KLF3: variants seen among roughly 807,000 people sequenced by gnomAD.
The protein encoded by KLF3 is KLF transcription factor 3, also known as Krueppel-like factor 3.
Under a neutral mutation model 32.7 loss-of-function variants are expected in KLF3, and 6 were observed. The observed-to-expected ratio is 0.18, with a 90% confidence interval of 0.10 to 0.36. The LOEUF is 0.36. KLF3 is among the 10% of genes least tolerant of loss of function. The probability of loss-of-function intolerance (pLI) is 1.00; values close to 1 mark genes in which losing one functional copy is unlikely to be tolerated. For synonymous variants in KLF3, 145 were observed against 172.8 expected, an observed-to-expected ratio of 0.84 and a Z score of 1.26; for missense variants, 338 against 449.7, an observed-to-expected ratio of 0.75 and a Z score of 2.25.
chr4:38,667,729 A>G (rs891320457), intron 1 of KLF3, among the ~76,000 whole-genome samples: 4 of 152,242 alleles, frequency 2.6e-5, no homozygotes, highest in Non-Finnish European at 5.9e-5. Flanking sequence ...CTTACAGTTT[A>G]GAAGACCTAG....
At chr4:38,687,296 A>G (rs1389506953) in intron 2 of KLF3, among the ~76,000 whole-genome samples, 1 of 152,210 alleles carries the variant, frequency 6.6e-6, no homozygotes, top group Non-Finnish European at 1.5e-5. Flanking sequence ...CCTAGTAAAG[A>G]TGATGGTTTA....
In KLF3 at chr4:38,694,747, A is replaced by C; in HGVS notation, c.697A>C (p.Asn233His). The C allele has an allele frequency of 6.5e-7, 1 of 1,550,284 alleles. No individual in the cohort carries two copies. The highest frequency in any genetic ancestry group is 8.6e-7 in the Non-Finnish European group (1 of 1,157,798). The change falls in exon 5 of 6, where the codon AAT becomes CAT. Residue 233 changes from asparagine to histidine, a missense_variant and splice_region_variant. Physicochemically the swap from Asn to His is moderately conservative, Grantham distance 68 (BLOSUM62 1). Transcript: ENST00000261438. ...VSPPQALLQE[N>H]HPSVIVQPGK... ...GGCCTGTAACCTTGGCTTTCACAGG[A>C]ATCACCCTTCGGTCATCGTGCAGCC... is the stretch of plus-strand genomic sequence containing the variant.
intron 1 of KLF3, among the ~76,000 whole-genome samples, chr4:38,665,250 T>TCAA: frequency 6.6e-6 from 1 of 152,160 alleles, no homozygotes; most frequent in East Asian, 1.9e-4. Flanking sequence ...GAGCAAGGAT[T>TCAA]GCAGCGTGGC....
chr4:38,678,086 G>C (rs892161832), intron 1 of KLF3, among the ~76,000 whole-genome samples: 9 of 151,302 alleles, frequency 5.9e-5, no homozygotes, highest in Non-Finnish European at 1.0e-4. Flanking sequence ...CTTTAATTTA[G>C]AAGCATTTGC....
chr4:38,676,621 A>G (rs1465861280), intron 1 of KLF3, among the ~76,000 whole-genome samples: 7 of 152,176 alleles, frequency 4.6e-5, no homozygotes, highest in Non-Finnish European at 8.8e-5. Flanking sequence ...CACTAAAAGC[A>G]TCATCATTTA....
chr4:38,686,243 G>A (rs1318230143), intron 2 of KLF3, among the ~76,000 whole-genome samples: 4 of 151,748 alleles, frequency 2.6e-5, no homozygotes, highest in Admixed American at 2.6e-4. Context: ...CCAAGAGTAC[G>A]AGACCAGCCT....
rs145278110 is a variant in KLF3, at chr4:38,688,827, C to T, written c.300C>T (p.Ser100=). The T allele has an allele frequency of 2.5e-6, 4 of 1,614,092 alleles. No individual in the cohort carries two copies. In the African/African-American group the frequency reaches 4.0e-5, roughly 16 times the overall value. Residue 100 remains serine (S), a synonymous_variant, in exon 3 of 6, where the codon TCC becomes TCT. Transcript: ENST00000261438. This position sits in a 1 kb window ranked among gnomAD's most constrained non-coding sequence, Gnocchi z 4.9. ...CGCCTGGGTTGAGCATGCCTTCTTC[C>T]AGCCCACCGATAAAAAAATACTCAC... is the stretch of plus-strand genomic sequence containing the variant. ...RASPGLSMPS[S]SPPIKKYSPP... is the part of the protein sequence containing the mutation.
chr4:38,699,924 A>G lies in KLF3; in HGVS notation c.*2661A>G, dbSNP rs999403964. On this transcript the variant is annotated 3_prime_UTR_variant, in exon 6 of 6. Transcript: ENST00000261438. ...AATACAAGATTAGATGCCCTTGAAC[A>G]TGTTTTAATGATGTGTGTCATGTTA... 5.3e-5 allele frequency: 8 copies of G among 152,232 alleles called. No individual in the cohort carries two copies. Among genetic ancestry groups the G allele is most frequent in the Non-Finnish European group, 8.8e-5 (6 of 68,040 alleles). 9.4% of individuals were successfully genotyped at this position (152,232 alleles called of 1,614,324 possible).
rs1722185465 is a variant in KLF3 at position 38,671,131 on chromosome 4, CAG to C, written c.-40+6672_-40+6673del. Among the ~76,000 whole-genome samples, 2 of 152,226 alleles carry C rather than the reference CAG, an allele frequency of 1.3e-5. No homozygotes were observed. Among genetic ancestry groups the C allele is most frequent in the South Asian group, 4.1e-4 (2 of 4,834 alleles). ...CCACAGCACAGGCTCTGAAGCAGAA[CAG>C]AAAGTGCCCGGGTCTGCAGGCAGAC... On this transcript the variant is annotated intron_variant, in intron 1 of 5. Transcript: ENST00000261438. This position sits in a 1 kb window ranked among gnomAD's most constrained non-coding sequence, Gnocchi z 4.4.
chr4:38,693,866 T>A (rs1333355241), intron 4 of KLF3, among the ~76,000 whole-genome samples: 1 of 152,202 alleles, frequency 6.6e-6, no homozygotes, highest in Non-Finnish European at 1.5e-5. Flanking sequence ...CTCCACCACC[T>A]TCTTGCTGAA....
rs1723179927 is a variant in KLF3 at position 38,701,045 on chromosome 4, T to C, written c.*3782T>C. ...AATAAAACCATCAGAATATTAAATG[T>C]GATCATGTGATTACTTCATATGCAG... On this transcript the variant is annotated 3_prime_UTR_variant, in exon 6 of 6. Coordinates refer to ENST00000261438, the MANE Select transcript of KLF3 (RefSeq NM_016531.6). 6.6e-6 allele frequency: 1 copy of C among 152,228 alleles called. No homozygotes were observed. The highest frequency in any genetic ancestry group is 6.5e-5 in the Admixed American group (1 of 15,284). The allele number at this position is 152,228 out of a possible 1,614,324, so 9.4% of individuals were successfully genotyped here. A position where few individuals can be genotyped will look rare whatever the true frequency, so the allele number is the denominator to read the frequency against.
chr4:38,697,472 GA>G lies in KLF3; in HGVS notation c.*211del. The G allele has an allele frequency of 2.4e-6, 1 of 422,702 alleles. No individual in the cohort carries two copies. The highest frequency in any genetic ancestry group is 4.1e-6 in the Non-Finnish European group (1 of 241,022). The allele number at this position is 422,702 out of a possible 1,614,324, so 26.2% of individuals were successfully genotyped here. On this transcript the variant is annotated 3_prime_UTR_variant, in exon 6 of 6. Transcript: ENST00000261438. The stretch of plus-strand genomic sequence containing the variant: ...CTCCTTACCACGGGTCAGACCTAAA[GA>G]ATGTGAACACTTTTTTTTTTTTTTC...
chr4:38,695,604 A>C (rs1723025653), intron 5 of KLF3, among the ~76,000 whole-genome samples: 1 of 152,178 alleles, frequency 6.6e-6, no homozygotes, highest in African/African-American at 2.4e-5. Flanking sequence ...AGGTGCAGTG[A>C]CGTGCACCTG....
intron 1 of KLF3, among the ~76,000 whole-genome samples, chr4:38,679,247 AAGT>A (rs1315636497): frequency 2.6e-5 from 4 of 152,328 alleles, no homozygotes; most frequent in East Asian, 1.9e-4. Context: ...GTCAAGCCCT[AAGT>A]AGGCATTTCT....
intron 2 of KLF3, among the ~76,000 whole-genome samples, chr4:38,685,256 A>G (rs1237775605): frequency 6.6e-6 from 1 of 152,194 alleles, no homozygotes; most frequent in Non-Finnish European, 1.5e-5. Context: ...AAAGTGAACC[A>G]GCTTGAGGGA....
Position 38,700,062 on chromosome 4 carries a change from A to G in KLF3, c.*2799A>G, listed in dbSNP as rs937764633. ...TATAGAGTTTCTTCAGTTGTTACCC[A>G]AGTGTCATCCTAGAGAAGTCAGAAG... On this transcript the variant is annotated 3_prime_UTR_variant, in exon 6 of 6. Coordinates refer to ENST00000261438, the MANE Select transcript of KLF3 (RefSeq NM_016531.6). 1 of 152,204 alleles carries G rather than the reference A, an allele frequency of 6.6e-6. No homozygotes were observed. The highest frequency in any genetic ancestry group is 2.4e-5 in the African/African-American group (1 of 41,446). The allele number at this position is 152,204 out of a possible 1,614,324, so 9.4% of individuals were successfully genotyped here.
In KLF3 at chr4:38,689,755, C is replaced by G; in HGVS notation, c.571C>G (p.Pro191Ala). The G allele has an allele frequency of 6.2e-7, 1 of 1,602,680 alleles. No homozygotes were observed. The highest frequency in any genetic ancestry group is 8.5e-7 in the Non-Finnish European group (1 of 1,173,220). ...QVPVIESYEK[P>A]ISQKKIKIEP... ...ACCTGTAATTGAATCATATGAGAAGCCTATATCACAGAAAAAAATTAAAAT... is the reference window on the plus strand; with the variant it reads ...ACCTGTAATTGAATCATATGAGAAGGCTATATCACAGAAAAAAATTAAAAT... Residue 191 changes from proline (P) to alanine (A), a missense_variant, in exon 4 of 6, where the codon CCT becomes GCT. Transcript: ENST00000261438.
intron 1 of KLF3, among the ~76,000 whole-genome samples, chr4:38,675,463 A>G (rs1343625495): frequency 2.6e-5 from 4 of 152,042 alleles, no homozygotes; most frequent in Non-Finnish European, 4.4e-5. Context: ...TTCTAAGACT[A>G]GCTAATGTAT....
rs753574203 is a variant in KLF3 at position 38,688,976 on chromosome 4, T to G, written c.449T>G (p.Val150Gly). Residue 150 changes from valine to glycine, a missense_variant, in exon 3 of 6, where the codon GTG (valine) becomes GGG (glycine). Val to Gly is a moderately radical substitution (Grantham distance 109). Around this residue, in one of 2 missense-constraint regions of KLF3, gnomAD observed 272 missense variants for 313.4 expected, o/e 0.87. Coordinates refer to ENST00000261438, the MANE Select transcript of KLF3 (RefSeq NM_016531.6). This position sits in a 1 kb window ranked among gnomAD's most constrained non-coding sequence, Gnocchi z 4.9. Reference protein sequence around the residue: ...GILPVIQPVVVQPVPFMYTSH... With the variant: ...GILPVIQPVVGQPVPFMYTSH... Reference sequence around the variant, plus strand: ...CTGCCCGTCATCCAGCCGGTGGTGGTGCAGCCCGTCCCCTTTATGTACACA... The same window carrying G: ...CTGCCCGTCATCCAGCCGGTGGTGGGGCAGCCCGTCCCCTTTATGTACACA... The G allele has an allele frequency of 6.2e-7, 1 of 1,614,118 alleles. No homozygotes were observed.
Sources: gnomAD v4.1 joint callset for allele counts (sites outside exome capture counted in the v4.1 genomes callset) on GRCh38, gnomAD v4.1.1 for gene constraint, gnomAD v4.1.1 regional missense constraint, Gnocchi (gnomAD v3.1) non-coding constraint, MANE v1.5 for transcripts, NCBI Gene and HGNC (gene_info 2026-07-23, HGNC 2026-07-21) for gene names.